TEX11: variants seen among roughly 807,000 people sequenced by gnomAD.
The protein encoded by TEX11 is testis-expressed protein 11.
Under a neutral mutation model 84.4 loss-of-function variants are expected in TEX11, and 7 were observed. That is an observed-to-expected ratio of 0.08 (90% CI 0.05 to 0.16). TEX11 has a LOEUF of 0.16. Ranked by LOEUF, TEX11 falls within the 10% of genes least tolerant of loss-of-function variation. TEX11 has a pLI of 1.00. For synonymous variants in TEX11, 264 were observed against 222.8 expected (o/e 1.18, Z -1.64); for missense variants, 551 against 660.5 (o/e 0.83, Z 1.82).
At chrX:70,607,095 A>G in intron 22 of TEX11, 66 bp from the exon 23 acceptor site, 1 of 862,634 alleles carries the variant, frequency 1.2e-6, no homozygotes. Context: ...AGTCTGTACC[A>G]TTACAATTTC....
chrX:70,599,990 G>T (rs1295536858), intron 24 of TEX11, among the ~76,000 whole-genome samples: 1 of 110,701 alleles, frequency 9.0e-6, no homozygotes, highest in Non-Finnish European at 1.9e-5. Flanking sequence ...ACGTGTGCAT[G>T]TGTATTTATA....
chrX:70,785,955 G>A (rs145785587), intron 9 of TEX11, among the ~76,000 whole-genome samples: 7,890 of 111,386 alleles, frequency 0.071, 237 homozygotes, highest in East Asian at 0.13. Context: ...TTGACCCAGC[G>A]ATCCCATTAC....
At chrX:70,756,303 C>G (rs2090867482) in intron 9 of TEX11, among the ~76,000 whole-genome samples, 1 of 112,336 alleles carries the variant, frequency 8.9e-6, no homozygotes, top group African/African-American at 3.2e-5. Context: ...AACGGGCAGA[C>G]TGCCTCCTCA....
downstream of TEX11, among the ~76,000 whole-genome samples, chrX:70,524,723 G>A (rs1187165575): frequency 8.9e-6 from 1 of 111,948 alleles, no homozygotes; most frequent in East Asian, 2.8e-4. Flanking sequence ...GCGCCACCAC[G>A]TCCGGCTAAT....
intron 4 of TEX11, among the ~76,000 whole-genome samples, chrX:70,867,132 C>T (rs1261175686): frequency 9.0e-6 from 1 of 111,333 alleles, no homozygotes; most frequent in Non-Finnish European, 1.9e-5. Flanking sequence ...TACCATCATC[C>T]CAGCCCAAAA....
At chrX:70,666,994 G>A (rs1443414007) in intron 16 of TEX11, among the ~76,000 whole-genome samples, 1 of 112,088 alleles carries the variant, frequency 8.9e-6, no homozygotes, top group African/African-American at 3.2e-5. Flanking sequence ...TAATATACCA[G>A]GAGTCAACAA....
intron 17 of TEX11, among the ~76,000 whole-genome samples, chrX:70,641,517 A>G (rs1262350145): frequency 1.8e-5 from 2 of 111,523 alleles, no homozygotes; most frequent in African/African-American, 6.5e-5. Context: ...CATACTTGGA[A>G]GTAAAGCTCT....
intron 19 of TEX11, among the ~76,000 whole-genome samples, 169 bp downstream of exon 19, chrX:70,624,670 T>A (rs966441226): frequency 8.9e-6 from 1 of 111,763 alleles, no homozygotes; most frequent in Non-Finnish European, 1.9e-5. Context: ...CTGTGGCATT[T>A]TCTCAGTCAT....
chrX:70,891,907 G>C (rs2091740145), intron 2 of TEX11, among the ~76,000 whole-genome samples: 1 of 111,066 alleles, frequency 9.0e-6, no homozygotes, highest in Non-Finnish European at 1.9e-5. Context: ...TCCTTGAGAA[G>C]AGCAACATCA....
intron 17 of TEX11, among the ~76,000 whole-genome samples, chrX:70,646,838 A>G (rs1442959068): frequency 8.9e-6 from 1 of 112,086 alleles, no homozygotes; most frequent in African/African-American, 3.2e-5. Flanking sequence ...CAAAAAAATT[A>G]AAGTAGAACT....
intron 25 of TEX11, among the ~76,000 whole-genome samples, chrX:70,576,701 A>T (rs2088678438): frequency 8.9e-6 from 1 of 112,632 alleles, no homozygotes; most frequent in East Asian, 2.8e-4. Flanking sequence ...GGCGCACAAT[A>T]CAAAGGTAAG....
chrX:70,579,333 A>AC (rs2088731259), intron 25 of TEX11, among the ~76,000 whole-genome samples: 1 of 74,160 alleles, frequency 1.3e-5, no homozygotes, highest in Non-Finnish European at 2.9e-5. Flanking sequence ...CTAAAAATAC[A>AC]AAAAAAAAAA....
At chrX:70,605,732 A>C (rs183539054) in intron 23 of TEX11, among the ~76,000 whole-genome samples, 1 of 112,309 alleles carries the variant, frequency 8.9e-6, no homozygotes. Flanking sequence ...AGAGATAAAA[A>C]GCTTCATTTC....
chrX:70,696,797 C>CA (rs1248906624), intron 13 of TEX11, among the ~76,000 whole-genome samples: 1 of 110,531 alleles, frequency 9.0e-6, no homozygotes, highest in Non-Finnish European at 1.9e-5. Context: ...AAACAAACAA[C>CA]AAAAAAACCC....
At chrX:70,750,933 A>AAAAAAAATATATATATATATAT (rs1390175136) in intron 9 of TEX11, among the ~76,000 whole-genome samples, 5 of 28,185 alleles carry the variant, frequency 1.8e-4, no homozygotes, top group Admixed American at 3.7e-4. Flanking sequence ...AAAAAAAAAA[A>AAAAAAAATATATATATATATAT]ATATATATAT....
At chrX:70,771,458 C>T in intron 9 of TEX11, among the ~76,000 whole-genome samples, 1 of 111,622 alleles carries the variant, frequency 9.0e-6, no homozygotes, top group Middle Eastern at 4.6e-3. Flanking sequence ...AACAGGAGAT[C>T]ACCAATTACA....
At chrX:70,778,111 A>C (rs1221895126) in intron 9 of TEX11, among the ~76,000 whole-genome samples, 1 of 112,075 alleles carries the variant, frequency 8.9e-6, no homozygotes, top group Non-Finnish European at 1.9e-5. Flanking sequence ...TATATCAGAA[A>C]AAAATAGAAT....
chrX:70,718,560 C>T (rs2090527532), intron 13 of TEX11, among the ~76,000 whole-genome samples: 1 of 112,231 alleles, frequency 8.9e-6, no homozygotes. Flanking sequence ...AAAGGTCAGT[C>T]ACTGAACTGA....
At chrX:70,622,211 G>A (rs1404075994) in intron 20 of TEX11, among the ~76,000 whole-genome samples, 3 of 112,099 alleles carry the variant, frequency 2.7e-5, no homozygotes, top group African/African-American at 9.7e-5. Flanking sequence ...CAATTCTCTT[G>A]AGCCCTCTCA....
Sources: gnomAD v4.1 joint callset for allele counts (sites outside exome capture counted in the v4.1 genomes callset) on GRCh38, gnomAD v4.1.1 for gene constraint, MANE v1.5 for transcripts, NCBI Gene and HGNC (gene_info 2026-07-23, HGNC 2026-07-21) for gene names.